CDKN2B-AS1: variants seen among roughly 807,000 people sequenced by gnomAD.
The protein encoded by CDKN2B-AS1 is CDKN2B and CDKN2A antisense cis and trans regulatory RNA 1, also known as CDKN2B antisense RNA 1 (non-protein coding).
chr9:22,096,034 G>T (rs572428970), intron 4 of CDKN2B-AS1, among the ~76,000 whole-genome samples: 1 of 152,188 alleles, frequency 6.6e-6, no homozygotes, highest in East Asian at 1.9e-4. Flanking sequence ...TCCCCCGTGG[G>T]TCAAATCTAA....
At chr9:22,066,691 A>T (rs1008825242) in intron 4 of CDKN2B-AS1, among the ~76,000 whole-genome samples, 10 of 152,084 alleles carry the variant, frequency 6.6e-5, no homozygotes, top group Non-Finnish European at 1.2e-4. Context: ...AGTTTTAAAA[A>T]GAACATTCGT....
Position 22,007,413 on chromosome 9 carries a change from C to T in CDKN2B-AS1, n.29+12252C>T, listed in dbSNP as rs1219001071. ...TAGAGCTTGGATGTTAGCAGTCAAT[C>T]AGGATGATGCATAACTTAGAAAAAA... On this transcript the variant is annotated intron_variant and non_coding_transcript_variant, in intron 1 of 4. Transcript: ENST00000650946. 2.0e-5 allele frequency among the ~76,000 whole-genome samples: 3 copies of T among 152,048 alleles called. No homozygotes were observed. The East Asian group carries it at 5.8e-4, about 29-fold the overall frequency.
Position 21,999,835 on chromosome 9 carries a change from A to C in CDKN2B-AS1, n.29+4674A>C, listed in dbSNP as rs1820845419. On this transcript the variant is annotated intron_variant and non_coding_transcript_variant, in intron 1 of 4. Coordinates refer to ENST00000650946, the Ensembl canonical transcript of CDKN2B-AS1. This position sits in a 1 kb window ranked among gnomAD's most constrained non-coding sequence, Gnocchi z 4.7. The stretch of plus-strand genomic sequence containing the variant: ...ATGCACTGACAATGGAAGTTGTCAA[A>C]GATCTATTGCTAATTAAAGAAAGCA... Among the ~76,000 whole-genome samples, 1 of 152,196 alleles carries C rather than the reference A, an allele frequency of 6.6e-6. No individual in the cohort carries two copies. The highest frequency in any genetic ancestry group is 1.5e-5 in the Non-Finnish European group (1 of 68,018).
intron 4 of CDKN2B-AS1, among the ~76,000 whole-genome samples, chr9:22,080,542 C>G (rs928690547): frequency 1.3e-5 from 2 of 152,112 alleles, no homozygotes; most frequent in African/African-American, 2.4e-5. Flanking sequence ...CTAGTGAAGC[C>G]CATCAGGGAG....
At chr9:22,116,611 A>G (rs1260642094) in intron 4 of CDKN2B-AS1, among the ~76,000 whole-genome samples, 2 of 152,168 alleles carry the variant, frequency 1.3e-5, no homozygotes, top group African/African-American at 4.8e-5. Flanking sequence ...TGAGATGAAA[A>G]TGAGGGAAAC....
intron 4 of CDKN2B-AS1, among the ~76,000 whole-genome samples, chr9:22,093,120 G>T (rs1825153179): frequency 6.6e-6 from 1 of 151,214 alleles, no homozygotes; most frequent in African/African-American, 2.4e-5. Flanking sequence ...CAGTTTCCAT[G>T]TAGGTGAGCG....
At position 22,022,588 on chromosome 9, in the gene CDKN2B-AS1, G is replaced by A. The variant is rs1250214898; in HGVS notation, n.30-24163G>A. Among the ~76,000 whole-genome samples, 7 of 152,136 alleles carry A rather than the reference G, an allele frequency of 4.6e-5. No homozygotes were observed. In the South Asian group the frequency reaches 1.5e-3, roughly 32 times the overall value. On this transcript the variant is annotated intron_variant and non_coding_transcript_variant, in intron 1 of 4. Transcript: ENST00000650946. ...TGAAGACAGCATACCGATGGGTCTTGGCTCTTTACTTGGCTTGCCGCTCTG... is the reference window on the plus strand; with the variant it reads ...TGAAGACAGCATACCGATGGGTCTTAGCTCTTTACTTGGCTTGCCGCTCTG...
chr9:22,069,974 C>G (rs1048951891), intron 4 of CDKN2B-AS1, among the ~76,000 whole-genome samples: 20 of 152,004 alleles, frequency 1.3e-4, no homozygotes, highest in African/African-American at 4.6e-4. Flanking sequence ...GTGATTCTTT[C>G]TATTTTTTGG....
intron 4 of CDKN2B-AS1, among the ~76,000 whole-genome samples, chr9:22,113,417 T>C (rs1430568019): frequency 6.6e-6 from 1 of 152,224 alleles, no homozygotes; most frequent in Non-Finnish European, 1.5e-5. Flanking sequence ...TAAGAGTTTA[T>C]GGGATTAGAT....
At chr9:22,122,012 A>C (rs1030283395) in intron 4 of CDKN2B-AS1, among the ~76,000 whole-genome samples, 1 of 151,710 alleles carries the variant, frequency 6.6e-6, no homozygotes, top group Non-Finnish European at 1.5e-5. Flanking sequence ...GTTCCCACCA[A>C]CAGTGTATAA....
At chr9:22,090,523 A>C (rs1437682006) in intron 4 of CDKN2B-AS1, among the ~76,000 whole-genome samples, 1 of 152,144 alleles carries the variant, frequency 6.6e-6, no homozygotes, top group African/African-American at 2.4e-5. Context: ...CGCCATTCTG[A>C]CTGGTGTCAG....
chr9:22,045,456 TG>T (rs924104396), intron 1 of CDKN2B-AS1, among the ~76,000 whole-genome samples: 1 of 152,114 alleles, frequency 6.6e-6, no homozygotes, highest in African/African-American at 2.4e-5. Context: ...CCTTATAGTT[TG>T]CTTTTGGCAC....
At chr9:22,057,887 G>A (rs530103686) in intron 4 of CDKN2B-AS1, among the ~76,000 whole-genome samples, 439 of 152,074 alleles carry the variant, frequency 2.9e-3, no homozygotes, top group Non-Finnish European at 4.1e-3. Context: ...AGGCCAAGGC[G>A]GGTGGATCAC....
chr9:22,044,424 A>G (rs1823024992), intron 1 of CDKN2B-AS1, among the ~76,000 whole-genome samples: 1 of 152,066 alleles, frequency 6.6e-6, no homozygotes. Flanking sequence ...CTGTTAGTAT[A>G]CATGAGTGTG....
At chr9:22,053,357 G>T (rs1823433201) in intron 3 of CDKN2B-AS1, among the ~76,000 whole-genome samples, 1 of 152,180 alleles carries the variant, frequency 6.6e-6, no homozygotes, top group South Asian at 2.1e-4. Flanking sequence ...AGTTTTAGAA[G>T]ACAGTTGGGG....
intron 4 of CDKN2B-AS1, among the ~76,000 whole-genome samples, chr9:22,086,707 C>G (rs72652416): frequency 1.3e-3 from 201 of 152,244 alleles, no homozygotes; most frequent in Admixed American, 3.5e-3. Flanking sequence ...AGAATGATTA[C>G]CAGCCAATCA....
chr9:22,040,902 C>T (rs1224331363), intron 1 of CDKN2B-AS1, among the ~76,000 whole-genome samples: 1 of 151,996 alleles, frequency 6.6e-6, no homozygotes, highest in Non-Finnish European at 1.5e-5. Context: ...CCTGACTTCC[C>T]AGGCCACACA....
chr9:22,060,795 G>A (rs918717386), intron 4 of CDKN2B-AS1, among the ~76,000 whole-genome samples: 4 of 152,174 alleles, frequency 2.6e-5, no homozygotes, highest in African/African-American at 7.2e-5. Context: ...CACTTCTCAT[G>A]TGGCAGTGGC....
In CDKN2B-AS1 at chr9:22,062,986, C is replaced by CACACACACAT. The variant is rs374229516; in HGVS notation, n.438+6600_438+6601insCACACACATA. Among the ~76,000 whole-genome samples the CACACACACAT allele has an allele frequency of 7.5e-3, 1,020 of 136,774 alleles. 16 individuals carry two copies. Among genetic ancestry groups the CACACACACAT allele is most frequent in the African/African-American group, 0.022 (806 of 37,380 alleles). 89.7% of individuals were successfully genotyped at this position (136,774 alleles called of 152,430 possible). A position where few individuals can be genotyped will look rare whatever the true frequency, so the allele number is the denominator to read the frequency against. On this transcript the variant is annotated intron_variant and non_coding_transcript_variant, in intron 4 of 4. Transcript: ENST00000650946. ...TGTGTGTGAAAGACAGACACACACACATATATATATATAGAGAGAGAGAGA... is the reference window on the plus strand; with the variant it reads ...TGTGTGTGAAAGACAGACACACACACACACACACATATATATATATATAGAGAGAGAGAGA...
Sources: gnomAD v4.1 joint callset for allele counts (sites outside exome capture counted in the v4.1 genomes callset) on GRCh38, gnomAD v4.1.1 for gene constraint, Gnocchi (gnomAD v3.1) non-coding constraint, MANE v1.5 for transcripts, NCBI Gene and HGNC (gene_info 2026-07-23, HGNC 2026-07-21) for gene names.